The following TECPR2 variants were observed in gnomAD, a reference collection of about 807,000 sequenced individuals.
TECPR2 encodes tectonin beta-propeller repeat containing 2, also known as tectonin beta-propeller repeat-containing protein 2.
A neutral mutation model predicts 138.1 loss-of-function variants in TECPR2; 65 were observed. The observed-to-expected ratio is 0.47, with a 90% confidence interval of 0.39 to 0.58. The LOEUF is 0.58. TECPR2 is among the 20% of genes least tolerant of loss of function. The pLI is 0.00. For synonymous variants in TECPR2, 746 were observed against 749.8 expected, an observed-to-expected ratio of 0.99 and a Z score of 0.08; for missense variants, 1,553 against 1,824.5, an observed-to-expected ratio of 0.85 and a Z score of 2.71.
At chr14:102,404,142 G>A (rs1261834732) in intron 2 of TECPR2, among the ~76,000 whole-genome samples, 1 of 151,404 alleles carries the variant, frequency 6.6e-6, no homozygotes, top group Non-Finnish European at 1.5e-5. Context: ...GGGCTCAAGT[G>A]ATCCTCCTGC....
At chr14:102,486,832 A>C (rs552531848) in intron 17 of TECPR2, among the ~76,000 whole-genome samples, 6 of 152,364 alleles carry the variant, frequency 3.9e-5, no homozygotes, top group African/African-American at 1.4e-4. Context: ...TTCTAGACCT[A>C]TTAACATGGG....
chr14:102,424,491 T>G (rs568796782), intron 5 of TECPR2, among the ~76,000 whole-genome samples: 11 of 152,290 alleles, frequency 7.2e-5, no homozygotes. Context: ...TGCGCCACCA[T>G]GCCTGGCTAA....
At chr14:102,409,962 G>A (rs918652916) in intron 4 of TECPR2, among the ~76,000 whole-genome samples, 10 of 151,982 alleles carry the variant, frequency 6.6e-5, no homozygotes, top group Non-Finnish European at 8.8e-5. Context: ...CTGCCACCAC[G>A]TCTGACTACT....
At chr14:102,401,453 A>C (rs1459583594) in intron 2 of TECPR2, among the ~76,000 whole-genome samples, 3 of 151,298 alleles carry the variant, frequency 2.0e-5, no homozygotes, top group Non-Finnish European at 2.9e-5. Flanking sequence ...AAAAAAAAAA[A>C]AAACAAAAAA....
intron 2 of TECPR2, among the ~76,000 whole-genome samples, chr14:102,382,662 T>G (rs1420107124): frequency 6.6e-6 from 1 of 152,222 alleles, no homozygotes; most frequent in African/African-American, 2.4e-5. Context: ...TTAGAAAACA[T>G]ACCTCAACAC....
intron 13 of TECPR2, among the ~76,000 whole-genome samples, chr14:102,448,565 T>C (rs1488823567): frequency 6.6e-6 from 1 of 152,098 alleles, no homozygotes; most frequent in Non-Finnish European, 1.5e-5. Context: ...CCAATTCAGA[T>C]CATAAATTAG....
At chr14:102,394,190 C>T (rs1041788358) in intron 2 of TECPR2, among the ~76,000 whole-genome samples, 2 of 152,156 alleles carry the variant, frequency 1.3e-5, no homozygotes, top group East Asian at 1.9e-4. Flanking sequence ...AATCCTCTAT[C>T]GCCAAGTCCT....
At chr14:102,478,394 A>T (rs1269464057) in intron 17 of TECPR2, among the ~76,000 whole-genome samples, 2 of 151,900 alleles carry the variant, frequency 1.3e-5, no homozygotes, top group Non-Finnish European at 2.9e-5. Flanking sequence ...AAAAAAATTT[A>T]AATGGGCCGG....
At position 102,467,128 on chromosome 14, in the gene TECPR2, T is replaced by TA. The variant is rs558259880; in HGVS notation, c.3789+1840dup. ...ACTGTGAATAATGCTGCTGTCAACA[T>TA]ATGTGTGCAAGTCTTTAGGGAGGAT... On this transcript the variant is annotated intron_variant, in intron 17 of 19. Coordinates refer to ENST00000359520, the MANE Select transcript of TECPR2 (RefSeq NM_014844.5). Among the ~76,000 whole-genome samples the TA allele has an allele frequency of 5.3e-5, 8 of 152,244 alleles. No homozygotes were observed. The East Asian group carries it at 1.5e-3, about 29-fold the overall frequency.
rs1012770531 is a variant in TECPR2 at position 102,414,881 on chromosome 14, G to A, written c.638+88G>A. 3.9e-5 allele frequency: 59 copies of A among 1,516,142 alleles called. No individual in the cohort carries two copies. The African/African-American group carries it at 4.0e-4, about 10-fold the overall frequency. 93.9% of individuals were successfully genotyped at this position (1,516,142 alleles called of 1,614,324 possible). On this transcript the variant is annotated intron_variant, in intron 5 of 19. Transcript: ENST00000359520. ...GGGTTTCTTAGGTCTCCTGTTTGCC[G>A]GAGACCTCCTGTTTGCAAACCCACA...
At position 102,497,727 on chromosome 14, in the gene TECPR2, C is replaced by A. The variant is rs199845217; in HGVS notation, c.4081+8C>A. 1.4e-3 allele frequency: 2,307 copies of A among 1,597,186 alleles called. 4 individuals carry two copies. Among genetic ancestry groups the A allele is most frequent in the Non-Finnish European group, 1.8e-3 (2,092 of 1,170,190 alleles). ...GCGTGTCGTGTTTCACAGGCAGGTG[C>A]CCGGGGCCAGTGGGCTTAAGGCCCC... On this transcript the variant is annotated splice_region_variant and intron_variant, in intron 19 of 19. Transcript: ENST00000359520.
intron 15 of TECPR2, among the ~76,000 whole-genome samples, chr14:102,452,017 C>T (rs1410817969): frequency 1.3e-5 from 2 of 152,164 alleles, no homozygotes; most frequent in Non-Finnish European, 2.9e-5. Flanking sequence ...GTCTTCTCCT[C>T]TTGGTAAAAT....
chr14:102,462,058 T>C (rs962770446), intron 16 of TECPR2, among the ~76,000 whole-genome samples: 4 of 152,204 alleles, frequency 2.6e-5, no homozygotes, highest in Non-Finnish European at 5.9e-5. Context: ...AGTAGTCTTT[T>C]ATATGTGTTC....
chr14:102,498,397 A>G lies in TECPR2; in HGVS notation c.*140A>G, dbSNP rs1891351860. On this transcript the variant is annotated 3_prime_UTR_variant, in exon 20 of 20. Transcript: ENST00000359520. The stretch of plus-strand genomic sequence containing the variant: ...AGGTTGGACCCGCACACTTACTTTC[A>G]TCTATGTTGGTTTCTGTCTCGTTCC... The G allele has an allele frequency of 9.2e-7, 1 of 1,089,096 alleles. No homozygotes were observed. Among genetic ancestry groups the G allele is most frequent in the Non-Finnish European group, 1.3e-6 (1 of 782,632 alleles). 67.5% of individuals were successfully genotyped at this position (1,089,096 alleles called of 1,614,324 possible).
intron 2 of TECPR2, among the ~76,000 whole-genome samples, chr14:102,397,361 G>GA (rs113151092): frequency 1.9e-4 from 28 of 146,468 alleles, no homozygotes; most frequent in Non-Finnish European, 2.9e-4. Flanking sequence ...CTCTTCCAAG[G>GA]AAAAAAAAAA....
chr14:102,372,279 T>C (rs1341051772), intron 1 of TECPR2, among the ~76,000 whole-genome samples: 1 of 152,000 alleles, frequency 6.6e-6, no homozygotes, highest in East Asian at 1.9e-4. Flanking sequence ...TCTTTTTTTT[T>C]TTTGAGATTG....
chr14:102,458,889 T>C (rs945210259), intron 16 of TECPR2, among the ~76,000 whole-genome samples: 5 of 150,886 alleles, frequency 3.3e-5, no homozygotes, highest in African/African-American at 1.2e-4. Context: ...GCAGGAGGAT[T>C]GCTTGAGCCT....
At chr14:102,450,729 GCC>G in intron 15 of TECPR2, 80 bp downstream of exon 15, 1 of 1,439,012 alleles carries the variant, frequency 6.9e-7, no homozygotes, top group South Asian at 1.2e-5. Context: ...TCGGACTGTG[GCC>G]TTGTTGGTTA....
chr14:102,374,071 C>CAAAAA (rs953998203), intron 1 of TECPR2, among the ~76,000 whole-genome samples: 6 of 55,944 alleles, frequency 1.1e-4, no homozygotes, highest in East Asian at 4.9e-4. Flanking sequence ...GATTCTGTCT[C>CAAAAA]AAAAAAAAAA....
Sources: allele counts gnomAD v4.1 joint callset (sites outside exome capture counted in the v4.1 genomes callset), GRCh38; gene constraint gnomAD v4.1.1; transcripts MANE v1.5; gene names NCBI Gene and HGNC (gene_info 2026-07-23, HGNC 2026-07-21).